Variants in ETV3 observed in about 807,000 individuals in gnomAD.
ETV3 encodes ETS variant transcription factor 3, also known as ETS translocation variant 3.
ETV3 carries 8 observed loss-of-function variants against 33.0 expected under a neutral mutation model. The observed-to-expected ratio is 0.24, with a 90% CI of 0.14 to 0.44. ETV3 has a LOEUF of 0.44. Among genes scored for constraint, ETV3 ranks in the 20% least tolerant of loss-of-function variants. The probability of loss-of-function intolerance (pLI) is 1.00; values close to 1 mark genes in which losing one functional copy is unlikely to be tolerated. For synonymous variants in ETV3, 222 were observed against 238.9 expected (o/e 0.93, Z 0.65); for missense variants, 473 against 652.3 (o/e 0.73, Z 2.99).
Position 157,133,856 on chromosome 1 carries a change from G to C in ETV3, c.400+256C>G, listed in dbSNP as rs572561624. The C allele has an allele frequency of 7.7e-6, 10 of 1,298,310 alleles. No homozygotes were observed. In the South Asian group the frequency reaches 2.0e-4, roughly 27 times the overall value. The allele number at this position is 1,298,310 out of a possible 1,614,324, so 80.4% of individuals were successfully genotyped here. On this transcript the variant is annotated intron_variant, in intron 4 of 4. Transcript: ENST00000368192. ...CATTCCCAAACAAGATAGCGTAATA[G>C]TATCTAGGAGATTACAAACAATATG...
chr1:157,136,649 T>A (rs747268751), intron 1 of ETV3, among the ~76,000 whole-genome samples: 4 of 152,188 alleles, frequency 2.6e-5, no homozygotes, highest in Non-Finnish European at 4.4e-5. Flanking sequence ...TGACCAACCC[T>A]TCAAATGTAA....
At chr1:157,135,778 C>T in intron 2 of ETV3, 70 bp from the exon 3 acceptor site, 1 of 1,421,986 alleles carries the variant, frequency 7.0e-7, no homozygotes. Context: ...ACCCCAACTG[C>T]ACATTCCACT....
chr1:157,135,178 C>T, intron 3 of ETV3: 1 of 503,974 alleles, frequency 2.0e-6, no homozygotes, highest in East Asian at 3.3e-5. Context: ...GAACTCCAAT[C>T]CATGTTTCAC....
In ETV3 at chr1:157,121,406, TAAG is replaced by T. The variant is rs1486508447; in HGVS notation, c.*3432_*3434del. On this transcript the variant is annotated 3_prime_UTR_variant, in exon 5 of 5. Coordinates refer to ENST00000368192, the MANE Select transcript of ETV3 (RefSeq NM_001145312.3). ...TCTAAAAGGCACTGCACAATGGAGTTAAGATTACTTACATTTTATGTACATATA... is the reference window on the plus strand; with the variant it reads ...TCTAAAAGGCACTGCACAATGGAGTTATTACTTACATTTTATGTACATATA... 2.6e-5 allele frequency: 4 copies of T among 152,112 alleles called. No individual in the cohort carries two copies. Among genetic ancestry groups the T allele is most frequent in the Admixed American group, 6.6e-5 (1 of 15,260 alleles). 9.4% of individuals were successfully genotyped at this position (152,112 alleles called of 1,614,324 possible).
At chr1:157,130,051 T>G (rs1288209152) in intron 4 of ETV3, among the ~76,000 whole-genome samples, 1 of 151,796 alleles carries the variant, frequency 6.6e-6, no homozygotes, top group Non-Finnish European at 1.5e-5. Context: ...ACCATATTGG[T>G]CAGGCTGGTC....
rs74116988 is a variant in ETV3, at chr1:157,133,446, C to T, written c.400+666G>A. On this transcript the variant is annotated intron_variant, in intron 4 of 4. Coordinates refer to ENST00000368192, the MANE Select transcript of ETV3 (RefSeq NM_001145312.3). ...AAATCACAAACAAAAAACCACACAA[C>T]AACAAAGTCTTTTGAGAGACTGCTT... The T allele has an allele frequency of 4.9e-4, 483 of 985,614 alleles. 3 individuals carry two copies. The African/African-American group carries it at 7.6e-3, about 16-fold the overall frequency. 61.1% of individuals were successfully genotyped at this position (985,614 alleles called of 1,614,324 possible).
intron 1 of ETV3, among the ~76,000 whole-genome samples, chr1:157,137,846 C>A (rs1675158707): frequency 6.6e-6 from 1 of 152,184 alleles, no homozygotes; most frequent in South Asian, 2.1e-4. Context: ...TTCCCAGGAG[C>A]CCTGGGGCGC....
At chr1:157,134,323 G>GTAT (rs1478730461) in intron 3 of ETV3, 96 bp from the exon 4 acceptor site, 1 of 1,469,504 alleles carries the variant, frequency 6.8e-7, no homozygotes, top group African/African-American at 1.4e-5. Context: ...CTTGCTCTGA[G>GTAT]TATTACTTAC....
Position 157,124,682 on chromosome 1 carries a change from A to C in ETV3, c.*159T>G, listed in dbSNP as rs900633974. 7.2e-5 allele frequency: 51 copies of C among 708,036 alleles called. No individual in the cohort carries two copies. The African/African-American group carries it at 7.5e-4, about 10-fold the overall frequency. The allele number at this position is 708,036 out of a possible 1,614,324, so 43.9% of individuals were successfully genotyped here. On this transcript the variant is annotated 3_prime_UTR_variant, in exon 5 of 5. Transcript: ENST00000368192. Reference sequence around the variant, plus strand: ...CATATCCCACCTAATTTACAACAGAAGATAACCCCATCCCATCCCCAAAAC... The same window carrying C: ...CATATCCCACCTAATTTACAACAGACGATAACCCCATCCCATCCCCAAAAC...
At chr1:157,126,456 T>C (rs1674838041) in intron 4 of ETV3, among the ~76,000 whole-genome samples, 2 of 152,086 alleles carry the variant, frequency 1.3e-5, no homozygotes, top group African/African-American at 2.4e-5. Flanking sequence ...ATTTTGGCCA[T>C]ATATATATAT....
intron 4 of ETV3, among the ~76,000 whole-genome samples, 169 bp from the exon 5 acceptor site, chr1:157,126,148 A>G (rs1255932856): frequency 1.3e-5 from 2 of 152,186 alleles, no homozygotes; most frequent in African/African-American, 4.8e-5. Flanking sequence ...AGCTGCTTCT[A>G]CTCAACTTGT....
Position 157,124,769 on chromosome 1 carries a change from CT to C in ETV3, c.*71del. The C allele has an allele frequency of 2.9e-6, 2 of 694,886 alleles. No individual in the cohort carries two copies. The highest frequency in any genetic ancestry group is 2.0e-6 in the Non-Finnish European group (1 of 488,672). The allele number at this position is 694,886 out of a possible 1,614,324, so 43.0% of individuals were successfully genotyped here. A position where few individuals can be genotyped will look rare whatever the true frequency, so the allele number is the denominator to read the frequency against. On this transcript the variant is annotated 3_prime_UTR_variant, in exon 5 of 5. Coordinates refer to ENST00000368192, the MANE Select transcript of ETV3 (RefSeq NM_001145312.3). ...CCAGTTTAACTCCCTCCCCCCCACC[CT>C]GAAATCTTGCTACATAAATACATGT... is the stretch of plus-strand genomic sequence containing the variant.
chr1:157,136,886 TAGAA>T (rs1160942996), intron 1 of ETV3, among the ~76,000 whole-genome samples: 1 of 152,154 alleles, frequency 6.6e-6, no homozygotes, highest in African/African-American at 2.4e-5. Context: ...TTATGTGAGA[TAGAA>T]GGAAGATTCT....
At position 157,122,203 on chromosome 1, in the gene ETV3, G is replaced by A. The variant is rs984956336; in HGVS notation, c.*2638C>T. The A allele has an allele frequency of 6.6e-6, 1 of 152,148 alleles. No homozygotes were observed. The highest frequency in any genetic ancestry group is 2.4e-5 in the African/African-American group (1 of 41,414). 9.4% of individuals were successfully genotyped at this position (152,148 alleles called of 1,614,324 possible). A position where few individuals can be genotyped will look rare whatever the true frequency, so the allele number is the denominator to read the frequency against. ...AAAAGGCCTGGCTTTGTACCAGGCT[G>A]GCGACAGGTGCTACCAGGAGTGGGC... On this transcript the variant is annotated 3_prime_UTR_variant, in exon 5 of 5. Transcript: ENST00000368192.
chr1:157,132,313 G>A (rs548788789), intron 4 of ETV3, among the ~76,000 whole-genome samples: 2 of 152,282 alleles, frequency 1.3e-5, no homozygotes, highest in South Asian at 4.1e-4. Flanking sequence ...AATCGCCTTC[G>A]GGCAGAACAG....
chr1:157,126,593 A>G (rs894670962), intron 4 of ETV3, among the ~76,000 whole-genome samples: 1 of 152,256 alleles, frequency 6.6e-6, no homozygotes, highest in Non-Finnish European at 1.5e-5. Flanking sequence ...CTCACTGCCT[A>G]GACTACCCAC....
chr1:157,136,788 G>A (rs1675123486), intron 1 of ETV3, among the ~76,000 whole-genome samples: 1 of 152,152 alleles, frequency 6.6e-6, no homozygotes, highest in Admixed American at 6.5e-5. Context: ...AGTTCACCAA[G>A]ATGTACCAGT....
chr1:157,134,086 C>T, intron 4 of ETV3, 26 bp downstream of exon 4: 5 of 1,596,150 alleles, frequency 3.1e-6, no homozygotes, highest in Non-Finnish European at 4.3e-6. Context: ...AAAATTAATT[C>T]CCTACCAAAA....
At chr1:157,136,834 C>T (rs1675124871) in intron 1 of ETV3, among the ~76,000 whole-genome samples, 2 of 152,084 alleles carry the variant, frequency 1.3e-5, no homozygotes, top group Admixed American at 6.6e-5. Flanking sequence ...CATCTGATTC[C>T]CACTCAAGAA....
Sources: gnomAD v4.1 joint callset for allele counts (sites outside exome capture counted in the v4.1 genomes callset) on GRCh38, gnomAD v4.1.1 for gene constraint, MANE v1.5 for transcripts, NCBI Gene and HGNC (gene_info 2026-07-23, HGNC 2026-07-21) for gene names.